The following BSPH1 variants were observed in gnomAD, a reference collection of about 807,000 sequenced individuals.
BSPH1 encodes binder of sperm protein homolog 1.
A neutral mutation model predicts 22.5 loss-of-function variants in BSPH1; 21 were observed. That is an observed-to-expected ratio of 0.93 (90% CI 0.66 to 1.35). BSPH1 has a LOEUF of 1.35. Ranked by LOEUF, BSPH1 falls within the 40% of genes most tolerant of loss-of-function variation. BSPH1 has a pLI of 0.00. For synonymous variants in BSPH1, 42 were observed against 53.6 expected, an observed-to-expected ratio of 0.78 and a Z score of 0.95; for missense variants, 141 against 154.2, an observed-to-expected ratio of 0.91 and a Z score of 0.45.
At chr19:47,981,096 G>A (rs1969415790) in intron 1 of BSPH1, among the ~76,000 whole-genome samples, 155 bp from the exon 2 acceptor site, 1 of 152,084 alleles carries the variant, frequency 6.6e-6, no homozygotes, top group African/African-American at 2.4e-5. Context: ...GATTGTGGGT[G>A]ATTTCTTACT....
chr19:47,969,112 T>C (rs1459821691), intron 5 of BSPH1, among the ~76,000 whole-genome samples: 1 of 152,032 alleles, frequency 6.6e-6, no homozygotes, highest in Non-Finnish European at 1.5e-5. Context: ...TTGTTGGGGC[T>C]GGTGCTGGTG....
At position 47,969,684 on chromosome 19, in the gene BSPH1, G is replaced by GGGGAGAGAGAGA. The variant is rs1162877914; in HGVS notation, c.*3-1476_*3-1475insTCTCTCTCTCCC. ...CACTACCTGTAAGGCAGGGAGAGGGGGAGAGAGAGAGAGAGAGAGAGAGAG... is the reference window on the plus strand; with the variant it reads ...CACTACCTGTAAGGCAGGGAGAGGGGGGGAGAGAGAGAGAGAGAGAGAGAGAGAGAGAGAGAG... On this transcript the variant is annotated intron_variant, in intron 5 of 5. Transcript: ENST00000344839. Among the ~76,000 whole-genome samples, 445 of 113,832 alleles carry GGGGAGAGAGAGA rather than the reference G, an allele frequency of 3.9e-3. 1 individual carries two copies. Among genetic ancestry groups the GGGGAGAGAGAGA allele is most frequent in the South Asian group, 9.4e-3 (28 of 2,986 alleles). 74.7% of individuals were successfully genotyped at this position (113,832 alleles called of 152,430 possible). A position where few individuals can be genotyped will look rare whatever the true frequency, so the allele number is the denominator to read the frequency against.
intron 5 of BSPH1, among the ~76,000 whole-genome samples, chr19:47,971,274 C>A (rs773135882): frequency 2.6e-5 from 4 of 152,140 alleles, no homozygotes; most frequent in Non-Finnish European, 5.9e-5. Flanking sequence ...CATGATCTCT[C>A]GGCTCACTGC....
chr19:47,990,355 A>C (rs561362792), intron 1 of BSPH1, among the ~76,000 whole-genome samples: 1 of 152,262 alleles, frequency 6.6e-6, no homozygotes, highest in East Asian at 1.9e-4. Flanking sequence ...ATGTGGAAAA[A>C]TATGACATCC....
chr19:47,987,343 G>A (rs1166595313), intron 1 of BSPH1, among the ~76,000 whole-genome samples: 2 of 149,712 alleles, frequency 1.3e-5, no homozygotes, highest in Non-Finnish European at 3.0e-5. Flanking sequence ...TTTATCTACT[G>A]TTCTTTGTGT....
At chr19:47,975,799 G>A (rs976989910) in intron 5 of BSPH1, among the ~76,000 whole-genome samples, 2 of 151,838 alleles carry the variant, frequency 1.3e-5, no homozygotes, top group Non-Finnish European at 2.9e-5. Flanking sequence ...GGGACTACAG[G>A]CACCCGCCAC....
intron 1 of BSPH1, among the ~76,000 whole-genome samples, chr19:47,989,956 T>TA (rs919669696): frequency 6.6e-6 from 1 of 151,620 alleles, no homozygotes. Context: ...TGGTCTCTAC[T>TA]AAAAATACAA....
chr19:47,976,298 A>T (rs992571694), intron 5 of BSPH1, among the ~76,000 whole-genome samples: 1 of 151,986 alleles, frequency 6.6e-6, no homozygotes, highest in African/African-American at 2.4e-5. Context: ...TTACATTTTT[A>T]AATTTTTTCT....
chr19:47,971,161 C>G (rs367712333), intron 5 of BSPH1, among the ~76,000 whole-genome samples: 1 of 152,116 alleles, frequency 6.6e-6, no homozygotes, highest in South Asian at 2.1e-4. Context: ...ACCTTTCCAG[C>G]GATTTTGTGA....
rs1229313559 is a variant in BSPH1 at position 47,991,681 on chromosome 19, TTCC to T, written c.73+325_73+327del. Among the ~76,000 whole-genome samples, 11 of 81,454 alleles carry T rather than the reference TTCC, an allele frequency of 1.4e-4. 1 individual carries two copies. The East Asian group carries it at 3.0e-3, about 22-fold the overall frequency. The allele number at this position is 81,454 out of a possible 152,430, so 53.4% of individuals were successfully genotyped here. The stretch of plus-strand genomic sequence containing the variant: ...TCTGCTCCTCCTCCCCCTCCTCCTC[TTCC>T]TTCTCTTTCTCCCCTCCTCCTCTCC... On this transcript the variant is annotated intron_variant, in intron 1 of 5. Transcript: ENST00000344839.
At chr19:47,975,102 C>T (rs1161620527) in intron 5 of BSPH1, among the ~76,000 whole-genome samples, 4 of 152,360 alleles carry the variant, frequency 2.6e-5, no homozygotes, top group East Asian at 3.9e-4. Flanking sequence ...CCGAAGGTGA[C>T]TCCACTCCCT....
chr19:47,976,770 T>G lies in BSPH1; in HGVS notation c.341A>C (p.Lys114Thr), dbSNP rs1196523726. The G allele has an allele frequency of 3.2e-6, 5 of 1,551,620 alleles. No individual in the cohort carries two copies. In the Admixed American group the frequency reaches 9.8e-5, roughly 30 times the overall value. Reference protein sequence around the residue: ...CTDDGEAFGKKWCSLTKNFNK... With the variant: ...CTDDGEAFGKTWCSLTKNFNK... The stretch of plus-strand genomic sequence containing the variant: ...AAAATTCTTGGTCAGTGAACACCAT[T>G]TTTTCCCAAATGCTTCCCCATCATC... Residue 114 changes from lysine to threonine, a missense_variant, in exon 5 of 6, where the codon AAA (lysine) becomes ACA (threonine). Transcript: ENST00000344839.
At chr19:47,985,731 C>G (rs1460541643) in intron 1 of BSPH1, among the ~76,000 whole-genome samples, 1 of 150,796 alleles carries the variant, frequency 6.6e-6, no homozygotes, top group South Asian at 2.1e-4. Context: ...GCTACTGAGG[C>G]AGCTGAGGCA....
chr19:47,973,240 A>C (rs1266675093), intron 5 of BSPH1, among the ~76,000 whole-genome samples: 1 of 146,356 alleles, frequency 6.8e-6, no homozygotes, highest in Non-Finnish European at 1.5e-5. Context: ...TAATAATAAT[A>C]ATAATAATAA....
chr19:47,982,890 G>A (rs1254643265), intron 1 of BSPH1, among the ~76,000 whole-genome samples: 1 of 152,136 alleles, frequency 6.6e-6, no homozygotes, highest in African/African-American at 2.4e-5. Context: ...ACTTATATGA[G>A]GTAACTAGAA....
chr19:47,980,094 G>A (rs1969404335), intron 2 of BSPH1, among the ~76,000 whole-genome samples: 1 of 152,070 alleles, frequency 6.6e-6, no homozygotes, highest in East Asian at 1.9e-4. Context: ...TATCACTTAT[G>A]TTAGAACCTA....
chr19:47,975,750 T>G (rs968755416), intron 5 of BSPH1, among the ~76,000 whole-genome samples: 11 of 150,126 alleles, frequency 7.3e-5, no homozygotes, highest in African/African-American at 1.7e-4. Flanking sequence ...CCGCCTCCCG[T>G]GTTCACGCCA....
chr19:47,984,081 A>G (rs1324651525), intron 1 of BSPH1, among the ~76,000 whole-genome samples: 1 of 151,168 alleles, frequency 6.6e-6, no homozygotes, highest in African/African-American at 2.4e-5. Context: ...TCCTGACCTC[A>G]GGTGATCCAC....
In BSPH1 at chr19:47,980,999, G is replaced by A. The variant is rs76319792; in HGVS notation, c.74-58C>T. ...TCACTTTAAAATAAAAGAGATGAAA[G>A]GATTTCACCAATTTCTATTCTAGTA... On this transcript the variant is annotated intron_variant, in intron 1 of 5. Coordinates refer to ENST00000344839, the MANE Select transcript of BSPH1 (RefSeq NM_001128326.2). 1,723 of 950,202 alleles carry A rather than the reference G, an allele frequency of 1.8e-3. 19 individuals are homozygous for A. In the African/African-American group the frequency reaches 0.025, roughly 14 times the overall value. The allele number at this position is 950,202 out of a possible 1,614,324, so 58.9% of individuals were successfully genotyped here. A position where few individuals can be genotyped will look rare whatever the true frequency, so the allele number is the denominator to read the frequency against.
Sources: gnomAD v4.1 joint callset for allele counts (sites outside exome capture counted in the v4.1 genomes callset) on GRCh38, gnomAD v4.1.1 for gene constraint, MANE v1.5 for transcripts, NCBI Gene and HGNC (gene_info 2026-07-23, HGNC 2026-07-21) for gene names.